Variants in USP8 observed in about 807,000 individuals in gnomAD.
USP8 encodes ubiquitin specific peptidase 8, also known as ubiquitin carboxyl-terminal hydrolase 8.
In USP8, 27 loss-of-function variants were observed where a neutral mutation model predicts 130.0. The ratio of observed to expected loss-of-function variants is 0.21; its 90% CI spans 0.15 to 0.29. USP8 has a LOEUF of 0.29. Among genes scored for constraint, USP8 ranks in the 10% least tolerant of loss-of-function variants. The pLI, the probability that USP8 is intolerant of heterozygous loss-of-function variation, is 1.00. For missense variants in USP8, 1,029 were observed against 1,312.2 expected, an observed-to-expected ratio of 0.78 and a Z score of 3.33; for synonymous variants, 392 against 444.1, an observed-to-expected ratio of 0.88 and a Z score of 1.48.
chr15:50,465,812 A>G (rs1360539770), intron 7 of USP8, among the ~76,000 whole-genome samples: 1 of 152,202 alleles, frequency 6.6e-6, no homozygotes, highest in Admixed American at 6.6e-5. Context: ...CTCTATTCAA[A>G]TAACTGTCAC....
rs2052681141 is a variant in USP8 at position 50,507,740 on chromosome 15, T to G, written c.*8652T>G. 1 of 152,080 alleles carries G rather than the reference T, an allele frequency of 6.6e-6. No homozygotes were observed. Among genetic ancestry groups the G allele is most frequent in the African/African-American group, 2.4e-5 (1 of 41,398 alleles). 9.4% of individuals were successfully genotyped at this position (152,080 alleles called of 1,614,324 possible). A position where few individuals can be genotyped will look rare whatever the true frequency, so the allele number is the denominator to read the frequency against. On this transcript the variant is annotated 3_prime_UTR_variant, in exon 20 of 20. Coordinates refer to ENST00000307179, the MANE Select transcript of USP8 (RefSeq NM_005154.5). ...ATATATACTTAGATGAGTATCTGAC[T>G]CCTGAAATAGAAGTGCACTGTCTCA...
chr15:50,512,015 A>T lies in USP8; in HGVS notation c.*12927A>T, dbSNP rs1185302911. ...TGTCTCAAAAAATAAAATAAATAAA[A>T]TTTTAAAAATACGCAGAATAGGCAC... On this transcript the variant is annotated 3_prime_UTR_variant, in exon 20 of 20. Transcript: ENST00000307179. The T allele has an allele frequency of 2.6e-5, 4 of 152,062 alleles. No homozygotes were observed. Among genetic ancestry groups the T allele is most frequent in the Non-Finnish European group, 4.4e-5 (3 of 68,008 alleles). 9.4% of individuals were successfully genotyped at this position (152,062 alleles called of 1,614,324 possible). A position where few individuals can be genotyped will look rare whatever the true frequency, so the allele number is the denominator to read the frequency against.
At position 50,454,482 on chromosome 15, in the gene USP8, C is replaced by T. The variant is rs377495856; in HGVS notation, c.336-4518C>T. Among the ~76,000 whole-genome samples the T allele has an allele frequency of 2.1e-5, 3 of 142,042 alleles. No homozygotes were observed. The East Asian group carries it at 6.4e-4, about 30-fold the overall frequency. 93.2% of individuals were successfully genotyped at this position (142,042 alleles called of 152,430 possible). ...TTTTTTTTTTTTTCAGATGGAGTCTCACTCTGTCTCACCCAGGCTGGAGTG... is the reference window on the plus strand; with the variant it reads ...TTTTTTTTTTTTTCAGATGGAGTCTTACTCTGTCTCACCCAGGCTGGAGTG... On this transcript the variant is annotated intron_variant, in intron 4 of 19. Transcript: ENST00000307179.
chr15:50,437,407 ATT>A (rs1387119523), intron 1 of USP8, among the ~76,000 whole-genome samples: 2 of 152,084 alleles, frequency 1.3e-5, no homozygotes, highest in Non-Finnish European at 2.9e-5. Context: ...ATTCAATTTG[ATT>A]TTTAAACTTT....
At chr15:50,485,904 A>G (rs928817025) in intron 12 of USP8, among the ~76,000 whole-genome samples, 5 of 152,046 alleles carry the variant, frequency 3.3e-5, no homozygotes, top group African/African-American at 7.2e-5. Context: ...ACCTAACACA[A>G]TGTAAATGCT....
chr15:50,499,204 G>A lies in USP8; in HGVS notation c.*116G>A. The A allele has an allele frequency of 9.8e-7, 1 of 1,019,810 alleles. No individual in the cohort carries two copies. Among genetic ancestry groups the A allele is most frequent in the Non-Finnish European group, 1.4e-6 (1 of 727,186 alleles). 63.2% of individuals were successfully genotyped at this position (1,019,810 alleles called of 1,614,324 possible). A position where few individuals can be genotyped will look rare whatever the true frequency, so the allele number is the denominator to read the frequency against. On this transcript the variant is annotated 3_prime_UTR_variant, in exon 20 of 20. Transcript: ENST00000307179. Reference sequence around the variant, plus strand: ...CCATTTAGAGGAATTCTAGGACAGTGGGAGCTGTGTTACTAGCACTATATA... The same window carrying A: ...CCATTTAGAGGAATTCTAGGACAGTAGGAGCTGTGTTACTAGCACTATATA...
chr15:50,440,188 C>T (rs2050209297), intron 2 of USP8, among the ~76,000 whole-genome samples: 1 of 152,162 alleles, frequency 6.6e-6, no homozygotes, highest in South Asian at 2.1e-4. Context: ...AACTCTAACT[C>T]CTGTTGAATG....
rs58329541 is a variant in USP8 at position 50,506,957 on chromosome 15, C to CAAAAAAAAAAAAA, written c.*7890_*7902dup. The CAAAAAAAAAAAAA allele has an allele frequency of 1.5e-4, 7 of 46,226 alleles. 1 individual carries two copies. The highest frequency in any genetic ancestry group is 6.6e-4 in the African/African-American group (7 of 10,550). The allele number at this position is 46,226 out of a possible 1,614,324, so 2.9% of individuals were successfully genotyped here. On this transcript the variant is annotated 3_prime_UTR_variant, in exon 20 of 20. Coordinates refer to ENST00000307179, the MANE Select transcript of USP8 (RefSeq NM_005154.5). ...TGGGCGACAGAGCGAGACTTCATCT[C>CAAAAAAAAAAAAA]AAAAAAAAAAAAAAAAAAAAAAAAA...
rs2052722635 is a variant in USP8, at chr15:50,510,588, GT to G, written c.*11502del. 1 of 152,098 alleles carries G rather than the reference GT, an allele frequency of 6.6e-6. No homozygotes were observed. Among genetic ancestry groups the G allele is most frequent in the African/African-American group, 2.4e-5 (1 of 41,414 alleles). 9.4% of individuals were successfully genotyped at this position (152,098 alleles called of 1,614,324 possible). A position where few individuals can be genotyped will look rare whatever the true frequency, so the allele number is the denominator to read the frequency against. ...TATTGTGGGTATGTAGAAGAATGTG[GT>G]TAAGGGATTATTTTGATCTATGAAG... On this transcript the variant is annotated 3_prime_UTR_variant, in exon 20 of 20. Transcript: ENST00000307179.
At chr15:50,428,504 G>A (rs2049820759) in intron 1 of USP8, among the ~76,000 whole-genome samples, 1 of 152,198 alleles carries the variant, frequency 6.6e-6, no homozygotes, top group African/African-American at 2.4e-5. Context: ...TGAAACCACA[G>A]ATAGTACTGA....
At position 50,513,871 on chromosome 15, in the gene USP8, A is replaced by C. The variant is rs974237325; in HGVS notation, c.*14783A>C. ...GAAAGCTACTGAGCAGTATGTACTA[A>C]AGCCAGACATATGCGTATTTCTGAA... On this transcript the variant is annotated 3_prime_UTR_variant, in exon 20 of 20. Coordinates refer to ENST00000307179, the MANE Select transcript of USP8 (RefSeq NM_005154.5). 1 of 152,156 alleles carries C rather than the reference A, an allele frequency of 6.6e-6. No individual in the cohort carries two copies. The highest frequency in any genetic ancestry group is 2.4e-5 in the African/African-American group (1 of 41,446). The allele number at this position is 152,156 out of a possible 1,614,324, so 9.4% of individuals were successfully genotyped here.
chr15:50,442,189 G>T (rs2050283561), intron 3 of USP8, among the ~76,000 whole-genome samples: 2 of 151,886 alleles, frequency 1.3e-5, no homozygotes, highest in Admixed American at 1.3e-4. Flanking sequence ...GGTCAGGCTG[G>T]TCTCAAACTC....
chr15:50,492,149 G>A (rs865987098), intron 14 of USP8, among the ~76,000 whole-genome samples: 8 of 152,240 alleles, frequency 5.3e-5, no homozygotes, highest in South Asian at 4.1e-4. Context: ...GACAGCCATT[G>A]AGCCCAGCTG....
intron 7 of USP8, 72 bp downstream of exon 7, chr15:50,465,263 A>T (rs997417983): frequency 6.8e-7 from 1 of 1,473,316 alleles, no homozygotes; most frequent in African/African-American, 1.4e-5. Flanking sequence ...AAATGTTACT[A>T]CTTAGCATCC....
intron 3 of USP8, 57 bp from the exon 4 acceptor site, chr15:50,449,343 A>G (rs1245147513): frequency 2.2e-5 from 24 of 1,088,664 alleles, no homozygotes; most frequent in Non-Finnish European, 2.9e-5. Flanking sequence ...TTTTAACACT[A>G]GTGTCACATG....
chr15:50,495,489 G>A lies in USP8; in HGVS notation c.2659-359G>A, dbSNP rs562538972. Among the ~76,000 whole-genome samples, 82 of 147,346 alleles carry A rather than the reference G, an allele frequency of 5.6e-4. 1 individual carries two copies. The East Asian group carries it at 0.016, about 29-fold the overall frequency. ...TTCTTTTTTTAGTAGAGATTGGAGG[G>A]GGGGGTCTCACTATGTTGCACAAGT... On this transcript the variant is annotated intron_variant, in intron 16 of 19. Coordinates refer to ENST00000307179, the MANE Select transcript of USP8 (RefSeq NM_005154.5).
intron 16 of USP8, among the ~76,000 whole-genome samples, 173 bp downstream of exon 16, chr15:50,494,453 T>G (rs1451106941): frequency 6.6e-6 from 1 of 152,260 alleles, no homozygotes; most frequent in South Asian, 2.1e-4. Context: ...TTGAAGCATA[T>G]ACAGTTGGTA....
intron 1 of USP8, among the ~76,000 whole-genome samples, chr15:50,432,949 G>A (rs1165172848): frequency 1.3e-5 from 2 of 152,132 alleles, no homozygotes; most frequent in Non-Finnish European, 2.9e-5. Flanking sequence ...ACTTTAAAAT[G>A]TTATTTCATT....
Position 50,508,165 on chromosome 15 carries a change from C to T in USP8, c.*9077C>T, listed in dbSNP as rs2052689575. 6.7e-6 allele frequency: 1 copy of T among 148,518 alleles called. No individual in the cohort carries two copies. Among genetic ancestry groups the T allele is most frequent in the African/African-American group, 2.5e-5 (1 of 40,236 alleles). 9.2% of individuals were successfully genotyped at this position (148,518 alleles called of 1,614,324 possible). On this transcript the variant is annotated 3_prime_UTR_variant, in exon 20 of 20. Coordinates refer to ENST00000307179, the MANE Select transcript of USP8 (RefSeq NM_005154.5). Reference sequence around the variant, plus strand: ...CAGTCAATACAAAATGATACCCCCACAAAAAATCAATACTTTTGGAAATTA... The same window carrying T: ...CAGTCAATACAAAATGATACCCCCATAAAAAATCAATACTTTTGGAAATTA...
Sources: gnomAD v4.1 joint callset for allele counts (sites outside exome capture counted in the v4.1 genomes callset) on GRCh38, gnomAD v4.1.1 for gene constraint, MANE v1.5 for transcripts, NCBI Gene and HGNC (gene_info 2026-07-23, HGNC 2026-07-21) for gene names.